Variants in ARHGAP12 observed in about 807,000 individuals in gnomAD.
ARHGAP12 encodes rho GTPase-activating protein 12.
In ARHGAP12, 64 loss-of-function variants were observed where a neutral mutation model predicts 108.6. The ratio of observed to expected loss-of-function variants is 0.59; its 90% confidence interval spans 0.48 to 0.73. ARHGAP12 has a LOEUF of 0.73. ARHGAP12 is among the 30% of genes least tolerant of loss of function. The pLI is 0.00. For missense variants in ARHGAP12, 940 were observed against 1,005.9 expected (o/e 0.93, Z 0.89); for synonymous variants, 312 against 337.2 (o/e 0.93, Z 0.82).
chr10:31,926,061 T>C (rs1345047592), intron 1 of ARHGAP12, among the ~76,000 whole-genome samples: 2 of 152,192 alleles, frequency 1.3e-5, no homozygotes, highest in African/African-American at 4.8e-5. Context: ...AGCAGTGGTC[T>C]GTGGTCTGGC....
intron 3 of ARHGAP12, among the ~76,000 whole-genome samples, chr10:31,898,849 T>C (rs2132426725): frequency 6.6e-6 from 1 of 151,954 alleles, no homozygotes; most frequent in South Asian, 2.1e-4. Context: ...AATAAAATAG[T>C]GTAACAACAA....
At chr10:31,844,697 CTT>C (rs369721681) in intron 6 of ARHGAP12, among the ~76,000 whole-genome samples, 72 of 128,614 alleles carry the variant, frequency 5.6e-4, no homozygotes, top group East Asian at 1.6e-3. Flanking sequence ...GCACACTTGG[CTT>C]TTTTTTTTTT....
At chr10:31,812,110 A>G (rs774606060) in intron 15 of ARHGAP12, among the ~76,000 whole-genome samples, 3 of 152,176 alleles carry the variant, frequency 2.0e-5, no homozygotes, top group Non-Finnish European at 4.4e-5. Flanking sequence ...AATAAATGCC[A>G]TTGTTTTAAG....
chr10:31,830,695 T>C (rs1331603954), intron 10 of ARHGAP12, among the ~76,000 whole-genome samples: 1 of 152,180 alleles, frequency 6.6e-6, no homozygotes, highest in Non-Finnish European at 1.5e-5. Flanking sequence ...GTTAATTTCC[T>C]TAAATCACTA....
intron 3 of ARHGAP12, among the ~76,000 whole-genome samples, chr10:31,877,892 G>A (rs1462746864): frequency 6.6e-6 from 1 of 152,150 alleles, no homozygotes; most frequent in African/African-American, 2.4e-5. Flanking sequence ...AGCAGTTTGA[G>A]ACCAGCCTGG....
intron 3 of ARHGAP12, among the ~76,000 whole-genome samples, chr10:31,875,647 C>A (rs1837702186): frequency 6.6e-6 from 1 of 152,162 alleles, no homozygotes; most frequent in Non-Finnish European, 1.5e-5. Context: ...TCATTCCCAG[C>A]ACTTTTCTCT....
rs1278205319 is a variant in ARHGAP12 at position 31,854,208 on chromosome 10, T to C, written c.949-2A>G. 6.3e-7 allele frequency: 1 copy of C among 1,599,256 alleles called. No homozygotes were observed. Among genetic ancestry groups the C allele is most frequent in the African/African-American group, 1.4e-5 (1 of 74,070 alleles). The stretch of plus-strand genomic sequence containing the variant: ...GTAGTTTTCTTCCGATGAAAGAAGC[T>C]ACAAATAGTCAGAAACATAAGGATT... On this transcript the variant is annotated splice_acceptor_variant, in intron 4 of 19. Coordinates refer to ENST00000344936, the MANE Select transcript of ARHGAP12 (RefSeq NM_018287.7). LOFTEE classifies it high-confidence loss of function.
chr10:31,868,211 TGCATGATCTGCCATCA>T (rs1837404585), intron 3 of ARHGAP12, among the ~76,000 whole-genome samples: 9 of 149,928 alleles, frequency 6.0e-5, no homozygotes, highest in Admixed American at 6.0e-4. Flanking sequence ...AAAAAAAATC[TGCATGATCTGCCATCA>T]GCAGGTCCAG....
chr10:31,846,640 CA>C (rs145797101), intron 6 of ARHGAP12, among the ~76,000 whole-genome samples: 4 of 152,176 alleles, frequency 2.6e-5, no homozygotes, highest in Admixed American at 1.3e-4. Flanking sequence ...AAGACTTTAT[CA>C]GGGGGAGGGA....
At chr10:31,867,283 GA>G (rs1837364201) in intron 3 of ARHGAP12, among the ~76,000 whole-genome samples, 1 of 151,952 alleles carries the variant, frequency 6.6e-6, no homozygotes, top group African/African-American at 2.4e-5. Flanking sequence ...AAGTGTATGA[GA>G]AAAGAATAGA....
intron 3 of ARHGAP12, among the ~76,000 whole-genome samples, chr10:31,893,966 C>A (rs887497709): frequency 1.3e-5 from 2 of 152,150 alleles, no homozygotes; most frequent in African/African-American, 4.8e-5. Flanking sequence ...TAAACGTAAT[C>A]CAGCATATAA....
chr10:31,889,934 A>G (rs1838350074), intron 3 of ARHGAP12, among the ~76,000 whole-genome samples: 1 of 152,052 alleles, frequency 6.6e-6, no homozygotes, highest in Non-Finnish European at 1.5e-5. Flanking sequence ...AGAAAAAACC[A>G]TGGGATCTTG....
chr10:31,838,648 A>G (rs1156303232), intron 9 of ARHGAP12, among the ~76,000 whole-genome samples: 1 of 151,862 alleles, frequency 6.6e-6, no homozygotes, highest in Non-Finnish European at 1.5e-5. Flanking sequence ...TGGTCAACAT[A>G]GCGAAACCCC....
At chr10:31,889,909 T>G (rs1265812073) in intron 3 of ARHGAP12, among the ~76,000 whole-genome samples, 3 of 151,838 alleles carry the variant, frequency 2.0e-5, no homozygotes, top group Non-Finnish European at 4.4e-5. Flanking sequence ...TTAATATATA[T>G]AAACTAAAAC....
At chr10:31,817,103 T>G (rs1162895162) in intron 13 of ARHGAP12, among the ~76,000 whole-genome samples, 1 of 152,074 alleles carries the variant, frequency 6.6e-6, no homozygotes, top group Non-Finnish European at 1.5e-5. Context: ...TCCCAGCTAC[T>G]TGGGAGGCTG....
intron 3 of ARHGAP12, among the ~76,000 whole-genome samples, chr10:31,877,210 G>A (rs371484138): frequency 2.6e-4 from 39 of 152,322 alleles, no homozygotes; most frequent in African/African-American, 9.1e-4. Context: ...GTAGCATAAA[G>A]ACGCCTGGTT....
intron 11 of ARHGAP12, among the ~76,000 whole-genome samples, chr10:31,825,218 T>C (rs1426322860): frequency 6.6e-6 from 1 of 152,138 alleles, no homozygotes; most frequent in East Asian, 1.9e-4. Flanking sequence ...TCTGTGGCAT[T>C]TGGGGTTCAG....
At chr10:31,808,815 A>C (rs1834914118) in intron 18 of ARHGAP12, 64 bp from the exon 19 acceptor site, 1 of 1,544,488 alleles carries the variant, frequency 6.5e-7, no homozygotes, top group African/African-American at 1.4e-5. Context: ...GCAATGTCAC[A>C]GTTTGGAAGC....
intron 1 of ARHGAP12, among the ~76,000 whole-genome samples, chr10:31,925,565 C>T (rs1394598452): frequency 1.3e-5 from 2 of 152,152 alleles, no homozygotes; most frequent in Non-Finnish European, 2.9e-5. Flanking sequence ...GTTCCAGGGT[C>T]CCATCCAGAA....
Sources: allele counts gnomAD v4.1 joint callset (sites outside exome capture counted in the v4.1 genomes callset), GRCh38; gene constraint gnomAD v4.1.1; transcripts MANE v1.5; gene names NCBI Gene and HGNC (gene_info 2026-07-23, HGNC 2026-07-21).